MAOA: variants seen among roughly 807,000 people sequenced by gnomAD.
The protein encoded by MAOA is monoamine oxidase A.
MAOA carries 6 observed loss-of-function variants against 42.0 expected under a neutral mutation model. That is an observed-to-expected ratio of 0.14 (90% CI 0.08 to 0.28). The LOEUF (loss-of-function observed/expected upper bound fraction) is 0.28. MAOA is among the 10% of genes least tolerant of loss of function. The probability of loss-of-function intolerance (pLI) is 1.00; values close to 1 mark genes in which losing one functional copy is unlikely to be tolerated. For synonymous variants in MAOA, 140 were observed against 154.0 expected (o/e 0.91, Z 0.67); for missense variants, 262 against 422.3 (o/e 0.62, Z 3.33).
rs765160753 is a variant in MAOA, at chrX:43,690,898, G to T, written c.169-2393G>T. On this transcript the variant is annotated intron_variant, in intron 2 of 14. Transcript: ENST00000338702. ...GGCTATATATGAATAAGCTAATCAT[G>T]CAAAGAGTTAGAAAATTAAGAGCAA... 1.3e-4 allele frequency among the ~76,000 whole-genome samples: 14 copies of T among 111,489 alleles called. No individual in the cohort carries two copies. In the East Asian group the frequency reaches 3.6e-3, roughly 29 times the overall value.
chrX:43,687,389 C>T (rs1339875762), intron 2 of MAOA, among the ~76,000 whole-genome samples: 1 of 112,086 alleles, frequency 8.9e-6, no homozygotes, highest in Non-Finnish European at 1.9e-5. Flanking sequence ...CCAGGAGTCC[C>T]CTTGCTGTCT....
chrX:43,691,551 G>A (rs1019068896), intron 2 of MAOA, among the ~76,000 whole-genome samples: 1 of 111,367 alleles, frequency 9.0e-6, no homozygotes, highest in African/African-American at 3.3e-5. Context: ...GATTTAGTCT[G>A]GAAATAGAAA....
chrX:43,739,736 T>C (rs1345399402), intron 10 of MAOA, among the ~76,000 whole-genome samples: 1 of 112,375 alleles, frequency 8.9e-6, no homozygotes, highest in Non-Finnish European at 1.9e-5. Flanking sequence ...TTGCTTGTTA[T>C]CCCTTAACAA....
chrX:43,741,970 G>T lies in MAOA; in HGVS notation c.1185G>T (p.Lys395Asn). 1 of 1,211,759 alleles carries T rather than the reference G, an allele frequency of 8.3e-7. No individual in the cohort carries two copies. Among genetic ancestry groups the T allele is most frequent in the African/African-American group, 1.7e-5 (1 of 57,796 alleles). The change falls in exon 12 of 15, where the codon AAG (lysine) becomes AAT (asparagine). Residue 395 changes from lysine (K) to asparagine (N), a missense_variant. Around this residue, in one of 3 missense-constraint regions of MAOA, gnomAD observed 86 missense variants for 190.3 expected, o/e 0.45. Transcript: ENST00000338702. ...EALHPVHYEE[K>N]NWCEEQYSGG... Reference sequence around the variant, plus strand: ...TGCAGCCAGTGCATTATGAAGAGAAGAACTGGTGTGAGGAGCAGTACTCTG... The same window carrying T: ...TGCAGCCAGTGCATTATGAAGAGAATAACTGGTGTGAGGAGCAGTACTCTG...
intron 1 of MAOA, among the ~76,000 whole-genome samples, chrX:43,681,729 T>C (rs1487425320): frequency 9.1e-6 from 1 of 110,431 alleles, no homozygotes; most frequent in Non-Finnish European, 1.9e-5. Flanking sequence ...TTTCTCCCTG[T>C]ATTATGTTTA....
chrX:43,656,300 C>A lies in MAOA; in HGVS notation c.-42C>A, dbSNP rs1032118015. On this transcript the variant is annotated 5_prime_UTR_variant, in exon 1 of 15. Coordinates refer to ENST00000338702, the MANE Select transcript of MAOA (RefSeq NM_000240.4). ...AGGGTCCTTCCCACCCTTTGCCGTC[C>A]CCACTCCTGTGCCTACGACCCAGGA... is the stretch of plus-strand genomic sequence containing the variant. The A allele has an allele frequency of 6.9e-6, 8 of 1,165,316 alleles. No homozygotes were observed. Among genetic ancestry groups the A allele is most frequent in the Non-Finnish European group, 9.4e-6 (8 of 853,609 alleles).
intron 1 of MAOA, among the ~76,000 whole-genome samples, chrX:43,659,625 A>AC (rs2033216567): frequency 9.0e-6 from 1 of 110,886 alleles, no homozygotes; most frequent in Non-Finnish European, 1.9e-5. Flanking sequence ...CTCTGATTTG[A>AC]ATCCTCTTCC....
At chrX:43,711,785 G>A (rs2033701285) in intron 3 of MAOA, 87 bp from the exon 4 acceptor site, 3 of 686,989 alleles carry the variant, frequency 4.4e-6, no homozygotes, top group Non-Finnish European at 4.7e-6. Context: ...CAAGTCTTAG[G>A]TTGGTTGCTT....
At chrX:43,720,057 C>G (rs2033776530) in intron 5 of MAOA, among the ~76,000 whole-genome samples, 1 of 109,801 alleles carries the variant, frequency 9.1e-6, no homozygotes, top group African/African-American at 3.3e-5. Flanking sequence ...TGCGGGGAGA[C>G]AGGGAAGGGT....
intron 1 of MAOA, among the ~76,000 whole-genome samples, chrX:43,678,990 A>G (rs1401198162): frequency 8.9e-6 from 1 of 112,143 alleles, no homozygotes; most frequent in Non-Finnish European, 1.9e-5. Context: ...TAGAAGAAAT[A>G]TGCTTAATAT....
intron 3 of MAOA, among the ~76,000 whole-genome samples, chrX:43,700,031 A>G (rs2033610486): frequency 8.9e-6 from 1 of 112,429 alleles, no homozygotes; most frequent in African/African-American, 3.2e-5. Context: ...AAACTCAAGA[A>G]GCGGAAAGTG....
At chrX:43,721,762 C>T (rs2033791604) in intron 5 of MAOA, among the ~76,000 whole-genome samples, 1 of 109,169 alleles carries the variant, frequency 9.2e-6, no homozygotes, top group Admixed American at 9.8e-5. Context: ...CATAGGTATC[C>T]ATGTGCCATG....
At chrX:43,693,570 T>C (rs1047951409) in intron 3 of MAOA, 142 bp downstream of exon 3, 2 of 654,949 alleles carry the variant, frequency 3.1e-6, no homozygotes, top group African/African-American at 2.3e-5. Context: ...CTTTCTTTTC[T>C]TGTTTTCTTT....
In MAOA at chrX:43,711,076, C is replaced by T. The variant is rs191389447; in HGVS notation, c.307-796C>T. Among the ~76,000 whole-genome samples, 308 of 111,704 alleles carry T rather than the reference C, an allele frequency of 2.8e-3. 3 individuals carry two copies. The highest frequency in any genetic ancestry group is 9.5e-3 in the African/African-American group (291 of 30,726). ...TGACCCACTCCATGGTCAGAGTCCT[C>T]TGAGAGTGTATGACTGGCCAAGCTC... On this transcript the variant is annotated intron_variant, in intron 3 of 14. Transcript: ENST00000338702.
rs779234131 is a variant in MAOA at position 43,736,241 on chromosome X, G to A, written c.1067G>A (p.Arg356Gln). The change falls in exon 10 of 15, where the codon CGG (arginine) becomes CAG (glutamine). Residue 356 changes from arginine (R) to glutamine (Q), a missense_variant. Transcript: ENST00000338702. The part of the protein sequence containing the change: ...LPAIMGFILA[R>Q]KADRLAKLHK... Reference sequence around the variant, plus strand: ...TCTCTCTCCAGCTTCATTCTTGCCCGGAAAGCTGATCGACTTGCTAAGCTA... The same window carrying A: ...TCTCTCTCCAGCTTCATTCTTGCCCAGAAAGCTGATCGACTTGCTAAGCTA... The A allele has an allele frequency of 1.3e-5, 15 of 1,195,384 alleles. No homozygotes were observed. The highest frequency in any genetic ancestry group is 3.5e-5 in the African/African-American group (2 of 57,026).
At chrX:43,670,635 C>T (rs1245565958) in intron 1 of MAOA, among the ~76,000 whole-genome samples, 11 of 83,067 alleles carry the variant, frequency 1.3e-4, no homozygotes, top group Non-Finnish European at 2.4e-4. Context: ...GTGTGTTGTT[C>T]CCCTTCCTGT....
At chrX:43,657,883 G>A in intron 1 of MAOA, 2 of 753,083 alleles carry the variant, frequency 2.7e-6, no homozygotes, top group Non-Finnish European at 3.1e-6. Flanking sequence ...AGATTGGCAT[G>A]AACTGTTGCT....
chrX:43,732,280 G>T (rs2033887755), intron 8 of MAOA, among the ~76,000 whole-genome samples: 1 of 111,838 alleles, frequency 8.9e-6, no homozygotes, highest in South Asian at 3.7e-4. Context: ...AATGAGGCAG[G>T]ATCTTGGACT....
Position 43,744,765 on chromosome X carries a change from A to G in MAOA, c.*252A>G, listed in dbSNP as rs963042356. On this transcript the variant is annotated 3_prime_UTR_variant, in exon 15 of 15. Coordinates refer to ENST00000338702, the MANE Select transcript of MAOA (RefSeq NM_000240.4). ...ATTGATAGAATAAAGCCTTGTGATCACTTTCTGAAATTCACAAAGTTAAAC... is the reference window on the plus strand; with the variant it reads ...ATTGATAGAATAAAGCCTTGTGATCGCTTTCTGAAATTCACAAAGTTAAAC... The G allele has an allele frequency of 1.8e-5, 7 of 398,773 alleles. No individual in the cohort carries two copies. The highest frequency in any genetic ancestry group is 7.5e-5 in the African/African-American group (3 of 39,803). 32.9% of individuals were successfully genotyped at this position (398,773 alleles called of 1,213,427 possible).
Sources: gnomAD v4.1 joint callset for allele counts (sites outside exome capture counted in the v4.1 genomes callset) on GRCh38, gnomAD v4.1.1 for gene constraint, gnomAD v4.1.1 regional missense constraint, MANE v1.5 for transcripts, NCBI Gene and HGNC (gene_info 2026-07-23, HGNC 2026-07-21) for gene names.